The following LIPG variants were observed in gnomAD, a reference collection of about 807,000 sequenced individuals.
The protein encoded by LIPG is lipase G, endothelial type.
Under a neutral mutation model 51.8 loss-of-function variants are expected in LIPG, and 34 were observed. That is an observed-to-expected ratio of 0.66 (90% CI 0.50 to 0.87). The LOEUF is 0.87. LIPG is among the 40% of genes least tolerant of loss of function. The pLI is 0.00. For synonymous variants in LIPG, 246 were observed against 246.1 expected (o/e 1.00, Z 0.00); for missense variants, 580 against 652.7 (o/e 0.89, Z 1.21).
rs2084975211 is a variant in LIPG at position 49,595,135 on chromosome 18, T to C, written c.*4613T>C. 3 of 152,342 alleles carry C rather than the reference T, an allele frequency of 2.0e-5. No homozygotes were observed. In the Middle Eastern group the frequency reaches 0.01, roughly 518 times the overall value. 9.4% of individuals were successfully genotyped at this position (152,342 alleles called of 1,614,324 possible). On this transcript the variant is annotated 3_prime_UTR_variant, in exon 10 of 10. Transcript: ENST00000261292. ...CAGGTGTCACCTCTGTGTTCAGAGC[T>C]ACCCTGAGCCCTCTGCCATGTAAGC... is the stretch of plus-strand genomic sequence containing the variant.
intron 8 of LIPG, among the ~76,000 whole-genome samples, chr18:49,585,870 C>A (rs1600567901): frequency 1.3e-5 from 2 of 152,238 alleles, no homozygotes; most frequent in East Asian, 3.9e-4. Context: ...GGGCCCCCTG[C>A]TGTTGTTTGA....
rs2084820636 is a variant in LIPG at position 49,581,579 on chromosome 18, G to A, written c.958G>A (p.Gly320Ser). The change falls in exon 6 of 10, where the codon GGC becomes AGC. Residue 320 changes from glycine to serine, a missense_variant. Transcript: ENST00000261292. ...CCGCAAGAACCGTTGTAATAGCATT[G>A]GCTACAATGCCAAGAAAATGAGGAA... The part of the protein sequence containing the change: ...SCRKNRCNSI[G>S]YNAKKMRNKR... The A allele has an allele frequency of 6.2e-7, 1 of 1,614,172 alleles. No individual in the cohort carries two copies. The highest frequency in any genetic ancestry group is 8.5e-7 in the Non-Finnish European group (1 of 1,180,040).
intron 4 of LIPG, among the ~76,000 whole-genome samples, chr18:49,574,578 C>T (rs1409521700): frequency 6.6e-6 from 1 of 152,240 alleles, no homozygotes; most frequent in East Asian, 1.9e-4. Context: ...CCAACGCACA[C>T]GCATACAGGT....
At position 49,594,847 on chromosome 18, in the gene LIPG, C is replaced by G. The variant is rs955304763; in HGVS notation, c.*4325C>G. 3 of 152,198 alleles carry G rather than the reference C, an allele frequency of 2.0e-5. No individual in the cohort carries two copies. Among genetic ancestry groups the G allele is most frequent in the Admixed American group, 2.0e-4 (3 of 15,272 alleles). 9.4% of individuals were successfully genotyped at this position (152,198 alleles called of 1,614,324 possible). A position where few individuals can be genotyped will look rare whatever the true frequency, so the allele number is the denominator to read the frequency against. On this transcript the variant is annotated 3_prime_UTR_variant, in exon 10 of 10. Transcript: ENST00000261292. ...TAGACAATAAGAGATAAGTTCTTAA[C>G]TTGGTTCAGATGTCAGAGGAAAGCA...
chr18:49,579,773 CTTTT>C lies in LIPG; in HGVS notation c.794-1641_794-1638del, dbSNP rs1568533501. Among the ~76,000 whole-genome samples, 21 of 63,546 alleles carry C rather than the reference CTTTT, an allele frequency of 3.3e-4. 1 individual carries two copies. The highest frequency in any genetic ancestry group is 1.0e-3 in the African/African-American group (19 of 18,502). The allele number at this position is 63,546 out of a possible 152,430, so 41.7% of individuals were successfully genotyped here. A position where few individuals can be genotyped will look rare whatever the true frequency, so the allele number is the denominator to read the frequency against. ...CCTTTCCTTTCCTTTCCTTTCTTTT[CTTTT>C]CTTTTCTTTTCTTTTCTTTTCTTTT... is the stretch of plus-strand genomic sequence containing the variant. On this transcript the variant is annotated intron_variant, in intron 5 of 9. Transcript: ENST00000261292.
intron 5 of LIPG, 42 bp downstream of exon 5, chr18:49,575,632 T>C (rs2276269): frequency 0.57 from 873,024 of 1,533,108 alleles, 255,186 homozygotes; most frequent in African/African-American, 0.81. Flanking sequence ...CTCAGTTTAT[T>C]CCATCTCCTT....
chr18:49,578,654 T>C (rs1430362623), intron 5 of LIPG, among the ~76,000 whole-genome samples: 9 of 150,724 alleles, frequency 6.0e-5, no homozygotes, highest in Admixed American at 2.6e-4. Context: ...CTCGGCACTT[T>C]GGGAGGCCAA....
chr18:49,579,792 T>TCCTTTCCTTTC (rs1568533574), intron 5 of LIPG, among the ~76,000 whole-genome samples: 27 of 139,658 alleles, frequency 1.9e-4, no homozygotes, highest in African/African-American at 8.1e-4. Context: ...TCTTTTCTTT[T>TCCTTTCCTTTC]CTTTTCTTTT....
chr18:49,586,881 A>G, intron 9 of LIPG, 31 bp downstream of exon 9: 3 of 1,491,602 alleles, frequency 2.0e-6, no homozygotes. Flanking sequence ...CGTTCCACCC[A>G]GGACACGTTG....
intron 2 of LIPG, among the ~76,000 whole-genome samples, chr18:49,566,310 C>T (rs2084606435): frequency 6.6e-6 from 1 of 152,202 alleles, no homozygotes; most frequent in Admixed American, 6.5e-5. Flanking sequence ...TCTAACCCTG[C>T]TCATCACACA....
chr18:49,573,893 C>A (rs1486825612), intron 4 of LIPG, among the ~76,000 whole-genome samples: 4 of 152,116 alleles, frequency 2.6e-5, no homozygotes, highest in Non-Finnish European at 4.4e-5. Flanking sequence ...ACATTTGGGG[C>A]CAGGTAAGGT....
intron 5 of LIPG, 149 bp downstream of exon 5, chr18:49,575,739 A>C: frequency 1.4e-6 from 1 of 730,960 alleles, no homozygotes; most frequent in East Asian, 2.7e-5. Context: ...AATATTTCTC[A>C]TTGTTCCCCA....
chr18:49,584,003 G>C (rs2084855858), intron 8 of LIPG, among the ~76,000 whole-genome samples: 1 of 152,222 alleles, frequency 6.6e-6, no homozygotes, highest in African/African-American at 2.4e-5. Context: ...GGGTGGGCCA[G>C]TGGAGGCAGT....
chr18:49,574,490 C>A (rs1361377835), intron 4 of LIPG, among the ~76,000 whole-genome samples: 1 of 152,138 alleles, frequency 6.6e-6, no homozygotes, highest in Non-Finnish European at 1.5e-5. Flanking sequence ...TACATTAATG[C>A]AGTTTTCAAA....
chr18:49,580,645 A>T (rs988662554), intron 5 of LIPG, among the ~76,000 whole-genome samples: 1 of 151,774 alleles, frequency 6.6e-6, no homozygotes, highest in Non-Finnish European at 1.5e-5. Context: ...AAACAAAAAC[A>T]AAACAAAGCA....
In LIPG at chr18:49,592,974, C is replaced by T. The variant is rs34524107; in HGVS notation, c.*2452C>T. 31,832 of 144,102 alleles carry T rather than the reference C, an allele frequency of 0.22. 3,860 individuals are homozygous for T. The highest frequency in any genetic ancestry group is 0.27 in the Non-Finnish European group (17,673 of 66,544). 8.9% of individuals were successfully genotyped at this position (144,102 alleles called of 1,614,324 possible). ...TTGAGACAGAGCCTCTCTCTGTCACCCAGGCTGGAGTGCAGTGGCAATCTT... is the reference window on the plus strand; with the variant it reads ...TTGAGACAGAGCCTCTCTCTGTCACTCAGGCTGGAGTGCAGTGGCAATCTT... On this transcript the variant is annotated 3_prime_UTR_variant, in exon 10 of 10. Coordinates refer to ENST00000261292, the MANE Select transcript of LIPG (RefSeq NM_006033.4).
rs117623631 is a variant in LIPG at position 49,586,795 on chromosome 18, C to G, written c.1426C>G (p.Arg476Gly). The G allele has an allele frequency of 6.2e-7, 1 of 1,614,028 alleles. No homozygotes were observed. Among genetic ancestry groups the G allele is most frequent in the Non-Finnish European group, 8.5e-7 (1 of 1,179,986 alleles). The change falls in exon 9 of 10, where the codon CGG (arginine) becomes GGG (glycine). Residue 476 changes from arginine to glycine, a missense_variant. Physicochemically the swap from Arg to Gly is moderately radical, Grantham distance 125 (BLOSUM62 -2). Coordinates refer to ENST00000261292, the MANE Select transcript of LIPG (RefSeq NM_006033.4). Reference sequence around the variant, plus strand: ...TGAGAACACCAGCATATCCCCAGGCCGGGAGCTCTGGTTTCGCAAGTGTCG... The same window carrying G: ...TGAGAACACCAGCATATCCCCAGGCGGGGAGCTCTGGTTTCGCAAGTGTCG... ...DPENTSISPGRELWFRKCRDG... is the reference protein window; with the variant it reads ...DPENTSISPGGELWFRKCRDG...
intron 5 of LIPG, among the ~76,000 whole-genome samples, chr18:49,580,788 G>A (rs2084810917): frequency 1.3e-5 from 2 of 152,180 alleles, no homozygotes; most frequent in Non-Finnish European, 2.9e-5. Flanking sequence ...GACTCCTGCT[G>A]CACAGCTGGT....
At chr18:49,578,759 GT>G (rs1211088872) in intron 5 of LIPG, among the ~76,000 whole-genome samples, 1 of 150,888 alleles carries the variant, frequency 6.6e-6, no homozygotes, top group Non-Finnish European at 1.5e-5. Flanking sequence ...AGGAGACTCC[GT>G]CTGCAATCCC....
Sources: gnomAD v4.1 joint callset for allele counts (sites outside exome capture counted in the v4.1 genomes callset) on GRCh38, gnomAD v4.1.1 for gene constraint, MANE v1.5 for transcripts, NCBI Gene and HGNC (gene_info 2026-07-23, HGNC 2026-07-21) for gene names.